Variants in CFAP61 observed in about 807,000 individuals in gnomAD.
The protein encoded by CFAP61 is cilia- and flagella-associated protein 61.
Under a neutral mutation model 135.6 loss-of-function variants are expected in CFAP61, and 107 were observed. That is an observed-to-expected ratio of 0.79 (90% CI 0.67 to 0.93). The LOEUF is 0.93. Among genes scored for constraint, CFAP61 ranks in the 40% least tolerant of loss-of-function variants. The pLI, the probability that CFAP61 is intolerant of heterozygous loss-of-function variation, is 0.00. For missense variants in CFAP61, 1,507 were observed against 1,556.2 expected (o/e 0.97, Z 0.53); for synonymous variants, 575 against 578.5 (o/e 0.99, Z 0.09).
At chr20:20,252,813 G>T (rs1201054754) in intron 20 of CFAP61, among the ~76,000 whole-genome samples, 2 of 152,250 alleles carry the variant, frequency 1.3e-5, no homozygotes, top group African/African-American at 4.8e-5. Context: ...GTGCTCAGCA[G>T]CTCTAAGCAT....
intron 21 of CFAP61, among the ~76,000 whole-genome samples, chr20:20,266,568 G>A (rs1230226562): frequency 1.3e-5 from 2 of 152,020 alleles, no homozygotes; most frequent in African/African-American, 2.4e-5. Flanking sequence ...TTTTGCATTC[G>A]GCCTACCTGG....
intron 8 of CFAP61, among the ~76,000 whole-genome samples, chr20:20,104,206 T>A (rs2048221511): frequency 6.6e-6 from 1 of 152,194 alleles, no homozygotes; most frequent in Non-Finnish European, 1.5e-5. Context: ...CAAAATAGAA[T>A]TTTTGTAATG....
In CFAP61 at chr20:20,298,255, G is replaced by A. The variant is rs764410125; in HGVS notation, c.3291G>A (p.Val1097=). 27 of 1,614,008 alleles carry A rather than the reference G, an allele frequency of 1.7e-5. No homozygotes were observed. The South Asian group carries it at 2.6e-4, about 16-fold the overall frequency. Residue 1097 remains valine (V), a synonymous_variant, in exon 25 of 27, where the codon GTG becomes GTA. Transcript: ENST00000245957. Reference sequence around the variant, plus strand: ...TTCATATTAACAAGTATAAAATGGTGGAAACCATCACGTGCCTTTCTAGGG... The same window carrying A: ...TTCATATTAACAAGTATAAAATGGTAGAAACCATCACGTGCCTTTCTAGGG... ...FRIHINKYKM[V]ETITCLSREP...
At chr20:20,117,175 G>A (rs2049208366) in intron 8 of CFAP61, among the ~76,000 whole-genome samples, 1 of 151,866 alleles carries the variant, frequency 6.6e-6, no homozygotes. Context: ...GGTGAACATG[G>A]TTCTACTAAA....
chr20:20,073,336 ATGGTTT>A (rs1183208953), intron 3 of CFAP61, among the ~76,000 whole-genome samples: 3 of 152,222 alleles, frequency 2.0e-5, no homozygotes, highest in Admixed American at 2.0e-4. Flanking sequence ...GAATCAAAAC[ATGGTTT>A]TCCTCTTGCG....
chr20:20,261,792 A>T (rs2052249401), intron 20 of CFAP61, among the ~76,000 whole-genome samples: 1 of 151,780 alleles, frequency 6.6e-6, no homozygotes, highest in South Asian at 2.1e-4. Context: ...TCATGGCTGA[A>T]ATCTCTGGCC....
At chr20:20,110,985 CA>C (rs2048765887) in intron 8 of CFAP61, among the ~76,000 whole-genome samples, 1 of 151,996 alleles carries the variant, frequency 6.6e-6, no homozygotes, top group African/African-American at 2.4e-5. Context: ...TAATTACTGG[CA>C]ACATGTGTAA....
chr20:20,052,999 GA>G (rs2043881515), intron 1 of CFAP61, among the ~76,000 whole-genome samples: 1 of 152,128 alleles, frequency 6.6e-6, no homozygotes, highest in South Asian at 2.1e-4. Flanking sequence ...CAGATATTAG[GA>G]AAAAATATAA....
intron 25 of CFAP61, among the ~76,000 whole-genome samples, chr20:20,328,633 C>A (rs2057853675): frequency 6.6e-6 from 1 of 152,066 alleles, no homozygotes; most frequent in Non-Finnish European, 1.5e-5. Flanking sequence ...GCAAACCATA[C>A]TTCTGATAGG....
At chr20:20,058,001 T>C (rs898795700) in intron 2 of CFAP61, among the ~76,000 whole-genome samples, 1 of 152,242 alleles carries the variant, frequency 6.6e-6, no homozygotes, top group Non-Finnish European at 1.5e-5. Flanking sequence ...GTCTTTGGAT[T>C]ACAGGCATAA....
At chr20:20,134,900 T>C (rs1215277762) in intron 8 of CFAP61, among the ~76,000 whole-genome samples, 1 of 152,092 alleles carries the variant, frequency 6.6e-6, no homozygotes, top group East Asian at 1.9e-4. Context: ...CAGGTGCCTA[T>C]TAAAGTAGAC....
intron 3 of CFAP61, 42 bp downstream of exon 3, chr20:20,071,046 T>C (rs1174944411): frequency 4.4e-6 from 7 of 1,593,436 alleles, no homozygotes; most frequent in East Asian, 2.2e-5. Context: ...ACCCTGAATC[T>C]TGAGGGGAAG....
chr20:20,246,827 T>C (rs564666473), intron 19 of CFAP61, among the ~76,000 whole-genome samples: 21 of 152,308 alleles, frequency 1.4e-4, no homozygotes, highest in African/African-American at 1.2e-4. Context: ...AGGAAGGAAA[T>C]TGTTCCCTCC....
chr20:20,360,191 C>T lies in CFAP61; in HGVS notation c.3514-19C>T, dbSNP rs763551098. ...GGTCCAATTAATTTCTGTATCTGGC[C>T]TCTTACTGTGTTTTACAGGAGGAAG... On this transcript the variant is annotated intron_variant, in intron 26 of 26. Coordinates refer to ENST00000245957, the MANE Select transcript of CFAP61 (RefSeq NM_015585.4). The T allele has an allele frequency of 6.3e-7, 1 of 1,595,204 alleles. No individual in the cohort carries two copies. The highest frequency in any genetic ancestry group is 1.1e-5 in the South Asian group (1 of 90,688).
chr20:20,135,222 C>T (rs1319629451), intron 8 of CFAP61, among the ~76,000 whole-genome samples: 1 of 152,160 alleles, frequency 6.6e-6, no homozygotes, highest in Non-Finnish European at 1.5e-5. Context: ...CCCCTAGAGC[C>T]TCTGGAGTGA....
intron 25 of CFAP61, among the ~76,000 whole-genome samples, chr20:20,313,342 T>G (rs73287376): frequency 0.038 from 5,746 of 152,318 alleles, 374 homozygotes; most frequent in African/African-American, 0.13. Flanking sequence ...TTCTGTTGTT[T>G]AAGCCACCCA....
At chr20:20,216,571 A>T (rs962985960) in intron 17 of CFAP61, among the ~76,000 whole-genome samples, 2 of 152,202 alleles carry the variant, frequency 1.3e-5, no homozygotes, top group Admixed American at 1.3e-4. Context: ...ACTTCTGGGC[A>T]TGGGGAAGCC....
intron 25 of CFAP61, among the ~76,000 whole-genome samples, chr20:20,312,237 G>C (rs1447018683): frequency 6.6e-6 from 1 of 152,196 alleles, no homozygotes; most frequent in East Asian, 1.9e-4. Flanking sequence ...AGAATTAGCA[G>C]ACAAGTATGT....
intron 11 of CFAP61, among the ~76,000 whole-genome samples, chr20:20,166,045 A>G (rs1367390145): frequency 6.6e-6 from 1 of 152,216 alleles, no homozygotes; most frequent in African/African-American, 2.4e-5. Flanking sequence ...TCTTCAACAG[A>G]TAAAAGGGAA....
Sources: allele counts gnomAD v4.1 joint callset (sites outside exome capture counted in the v4.1 genomes callset), GRCh38; gene constraint gnomAD v4.1.1; transcripts MANE v1.5; gene names NCBI Gene and HGNC (gene_info 2026-07-23, HGNC 2026-07-21).